KCNK10: variants seen among roughly 807,000 people sequenced by gnomAD.
KCNK10 encodes the protein potassium channel subfamily K member 10.
A neutral mutation model predicts 47.7 loss-of-function variants in KCNK10; 25 were observed. The observed-to-expected ratio is 0.52, with a 90% CI of 0.38 to 0.73. KCNK10 has a LOEUF of 0.73. Among genes scored for constraint, KCNK10 ranks in the 30% least tolerant of loss-of-function variants. The pLI, the probability that KCNK10 is intolerant of heterozygous loss-of-function variation, is 0.00. For synonymous variants in KCNK10, 303 were observed against 285.6 expected, an observed-to-expected ratio of 1.06 and a Z score of -0.61; for missense variants, 563 against 714.5, an observed-to-expected ratio of 0.79 and a Z score of 2.42.
At chr14:88,302,415 GA>G (rs1192263783) in intron 1 of KCNK10, among the ~76,000 whole-genome samples, 2 of 152,060 alleles carry the variant, frequency 1.3e-5, no homozygotes, top group African/African-American at 4.8e-5. Context: ...AAAGTTAAAA[GA>G]AAACCCAGAG....
intron 3 of KCNK10, among the ~76,000 whole-genome samples, chr14:88,234,227 G>A (rs537904453): frequency 6.6e-6 from 1 of 152,336 alleles, no homozygotes; most frequent in Middle Eastern, 3.4e-3. Flanking sequence ...GGCCTAGAGT[G>A]CCAGAAAAGG....
At chr14:88,210,912 G>A (rs1013239772) in intron 4 of KCNK10, among the ~76,000 whole-genome samples, 2 of 151,824 alleles carry the variant, frequency 1.3e-5, no homozygotes, top group Non-Finnish European at 2.9e-5. Context: ...GTGGGAATGT[G>A]AAATGGTGCA....
At position 88,240,832 on chromosome 14, in the gene KCNK10, G is replaced by A. The variant is rs1464818752; in HGVS notation, c.403-12C>T. 1 of 1,535,650 alleles carries A rather than the reference G, an allele frequency of 6.5e-7. No homozygotes were observed. The highest frequency in any genetic ancestry group is 1.7e-5 in the Admixed American group (1 of 59,160). ...GCATCAAGAGCATGCTGCAAAGAAA[G>A]GGAAAAAGCATAAGACTCAGTTTAA... On this transcript the variant is annotated splice_polypyrimidine_tract_variant and intron_variant, in intron 2 of 6. Coordinates refer to ENST00000319231, the MANE Select transcript of KCNK10 (RefSeq NM_138317.3).
intron 2 of KCNK10, among the ~76,000 whole-genome samples, chr14:88,249,564 T>C (rs973427416): frequency 6.6e-6 from 1 of 152,174 alleles, no homozygotes; most frequent in South Asian, 2.1e-4. Flanking sequence ...GCTACTGGGC[T>C]GTAACTATCC....
At position 88,260,162 on chromosome 14, in the gene KCNK10, C is replaced by T. The variant is rs1036083181; in HGVS notation, c.402+3040G>A. 2.5e-4 allele frequency among the ~76,000 whole-genome samples: 38 copies of T among 152,240 alleles called. No homozygotes were observed. The highest frequency in any genetic ancestry group is 4.2e-4 in the South Asian group (2 of 4,800). ...TTCACCATGTTGGCCAGGTTGGTCT[C>T]GAACTCCTGATCTCAGGTCATCCAC... On this transcript the variant is annotated intron_variant, in intron 2 of 6. Transcript: ENST00000319231. The surrounding 1 kb of genome is among the most constrained non-coding windows in gnomAD (Gnocchi z 4.5).
rs1306395111 is a variant in KCNK10 at position 88,185,908 on chromosome 14, C to T, written c.1259G>A (p.Ser420Asn). The T allele has an allele frequency of 1.2e-6, 2 of 1,613,992 alleles. No homozygotes were observed. Among genetic ancestry groups the T allele is most frequent in the East Asian group, 4.5e-5 (2 of 44,836 alleles). ...TGRFKASSQE[S>N]INNRPNNLRL... ...CAGGTTGTTGGGCCGGTTGTTGATGCTCTCCTGGGATGAGGCCTTGAAGCG... is the reference window on the plus strand; with the variant it reads ...CAGGTTGTTGGGCCGGTTGTTGATGTTCTCCTGGGATGAGGCCTTGAAGCG... Residue 420 changes from serine (S) to asparagine (N), a missense_variant, in exon 7 of 7, where the codon AGC (serine) becomes AAC (asparagine). Coordinates refer to ENST00000319231, the MANE Select transcript of KCNK10 (RefSeq NM_138317.3). This position sits in a 1 kb window ranked among gnomAD's most constrained non-coding sequence, Gnocchi z 4.3.
At chr14:88,205,318 T>A (rs952963327) in intron 4 of KCNK10, among the ~76,000 whole-genome samples, 7 of 152,156 alleles carry the variant, frequency 4.6e-5, no homozygotes, top group African/African-American at 1.7e-4. Context: ...TCCTGTTCAT[T>A]CCTCACACAC....
chr14:88,242,464 C>T (rs1188644042), intron 2 of KCNK10, among the ~76,000 whole-genome samples: 3 of 152,122 alleles, frequency 2.0e-5, no homozygotes, highest in African/African-American at 7.2e-5. Context: ...GACTCATAGA[C>T]AATTGACTGG....
In KCNK10 at chr14:88,303,062, C is replaced by CA. The variant is rs1219804992; in HGVS notation, c.52+19684dup. The stretch of plus-strand genomic sequence containing the variant: ...AGAAATGTGCATGGGGCTTGCAGGG[C>CA]AAAAAAAACATCCTCCATGATAAAA... On this transcript the variant is annotated intron_variant, in intron 1 of 6. Transcript: ENST00000319231. Among the ~76,000 whole-genome samples the CA allele has an allele frequency of 5.9e-5, 9 of 151,292 alleles. No individual in the cohort carries two copies. In the South Asian group the frequency reaches 6.3e-4, roughly 11 times the overall value.
intron 4 of KCNK10, among the ~76,000 whole-genome samples, chr14:88,211,475 T>C (rs957865531): frequency 6.6e-6 from 1 of 152,194 alleles, no homozygotes; most frequent in Non-Finnish European, 1.5e-5. Context: ...GCCACTGAAC[T>C]GTACACTTAA....
upstream of KCNK10, among the ~76,000 whole-genome samples, chr14:88,324,895 C>T (rs889190053): frequency 6.6e-6 from 1 of 152,154 alleles, no homozygotes; most frequent in African/African-American, 2.4e-5. Context: ...AAGGTGAGTG[C>T]TTTGTCACTG....
intron 1 of KCNK10, among the ~76,000 whole-genome samples, chr14:88,287,491 C>T (rs1321959258): frequency 6.6e-6 from 1 of 152,056 alleles, no homozygotes; most frequent in African/African-American, 2.4e-5. Flanking sequence ...TCACCAAGTC[C>T]CCAAAGTCCA....
chr14:88,251,419 G>A (rs768849317), intron 2 of KCNK10, among the ~76,000 whole-genome samples: 25 of 152,068 alleles, frequency 1.6e-4, no homozygotes, highest in Middle Eastern at 6.8e-3. Context: ...GGTCATCCAA[G>A]AGAGTCTAGC....
At chr14:88,223,201 C>T (rs1488577681) in intron 4 of KCNK10, among the ~76,000 whole-genome samples, 1 of 152,176 alleles carries the variant, frequency 6.6e-6, no homozygotes, top group African/African-American at 2.4e-5. Flanking sequence ...TACCCAGCAA[C>T]TGACTGTCCA....
Position 88,296,494 on chromosome 14 carries a change from C to T in KCNK10, c.52+26253G>A, listed in dbSNP as rs1263708958. 2.7e-5 allele frequency among the ~76,000 whole-genome samples: 3 copies of T among 111,390 alleles called. No individual in the cohort carries two copies. In the East Asian group the frequency reaches 1.9e-3, roughly 70 times the overall value. The allele number at this position is 111,390 out of a possible 152,430, so 73.1% of individuals were successfully genotyped here. A position where few individuals can be genotyped will look rare whatever the true frequency, so the allele number is the denominator to read the frequency against. ...TCACTTTACCATCATTAGGTATACACACCGAGCCTAATCTCTCTTGGTATG... is the reference window on the plus strand; with the variant it reads ...TCACTTTACCATCATTAGGTATACATACCGAGCCTAATCTCTCTTGGTATG... On this transcript the variant is annotated intron_variant, in intron 1 of 6. Transcript: ENST00000319231.
chr14:88,316,946 G>A lies in KCNK10; in HGVS notation c.52+5801C>T, dbSNP rs75847668. Among the ~76,000 whole-genome samples the A allele has an allele frequency of 5.5e-3, 830 of 152,268 alleles. 3 individuals carry two copies. Among genetic ancestry groups the A allele is most frequent in the Non-Finnish European group, 8.4e-3 (569 of 68,038 alleles). On this transcript the variant is annotated intron_variant, in intron 1 of 6. Transcript: ENST00000319231. ...TTTTAAATGCATCAGATTTAAGGTG[G>A]GGTTCATATGGAGCCAAAGTACAGA...
rs776661763 is a variant in KCNK10, at chr14:88,263,541, G to A, written c.63C>T (p.Pro21=). 2.4e-5 allele frequency: 38 copies of A among 1,610,492 alleles called. No homozygotes were observed. The highest frequency in any genetic ancestry group is 4.5e-5 in the East Asian group (2 of 44,882). ...QVNWDPKVAV[P]AAAPVCQPKS... Reference sequence around the variant, plus strand: ...TGGGCTGGCACACCGGTGCTGCTGCGGGAACGGCCACTGAGGAGTCAGGGT... The same window carrying A: ...TGGGCTGGCACACCGGTGCTGCTGCAGGAACGGCCACTGAGGAGTCAGGGT... Residue 21 remains proline (P), a synonymous_variant, in exon 2 of 7, where the codon CCC becomes CCT. Coordinates refer to ENST00000319231, the MANE Select transcript of KCNK10 (RefSeq NM_138317.3).
At chr14:88,196,006 C>T (rs1884901180) in intron 4 of KCNK10, among the ~76,000 whole-genome samples, 1 of 152,220 alleles carries the variant, frequency 6.6e-6, no homozygotes, top group Admixed American at 6.5e-5. Flanking sequence ...GCTAACAAAA[C>T]TGTTATCAGG....
intron 1 of KCNK10, among the ~76,000 whole-genome samples, chr14:88,272,218 G>A (rs1369994484): frequency 6.6e-6 from 1 of 152,198 alleles, no homozygotes; most frequent in African/African-American, 2.4e-5. Flanking sequence ...TCAATGCCTT[G>A]TTCAAAGCAA....
Sources: gnomAD v4.1 joint callset for allele counts (sites outside exome capture counted in the v4.1 genomes callset) on GRCh38, gnomAD v4.1.1 for gene constraint, Gnocchi (gnomAD v3.1) non-coding constraint, MANE v1.5 for transcripts, NCBI Gene and HGNC (gene_info 2026-07-23, HGNC 2026-07-21) for gene names.